The following FARS2 variants were observed in gnomAD, a reference collection of about 807,000 sequenced individuals.
FARS2 encodes the protein phenylalanyl-tRNA synthetase 2, mitochondrial, also known as phenylalanine--tRNA ligase, mitochondrial.
A neutral mutation model predicts 46.4 loss-of-function variants in FARS2; 40 were observed. The observed-to-expected ratio is 0.86, with a 90% CI of 0.67 to 1.12. FARS2 has a LOEUF of 1.12. FARS2 is among the 50% of genes most tolerant of loss of function. The pLI is 0.00. For missense variants in FARS2, 513 were observed against 567.9 expected, an observed-to-expected ratio of 0.90 and a Z score of 0.98; for synonymous variants, 234 against 214.9, an observed-to-expected ratio of 1.09 and a Z score of -0.78.
chr6:5,414,758 T>G (rs1301045996), intron 3 of FARS2, among the ~76,000 whole-genome samples: 1 of 151,936 alleles, frequency 6.6e-6, no homozygotes, highest in African/African-American at 2.4e-5. Context: ...TCGCTTTTTT[T>G]TTTCTTGAGT....
At chr6:5,378,386 T>C (rs1381263800) in intron 2 of FARS2, among the ~76,000 whole-genome samples, 1 of 152,184 alleles carries the variant, frequency 6.6e-6, no homozygotes, top group Admixed American at 6.5e-5. Flanking sequence ...TTGTGGTTCA[T>C]CCTTGTCAGA....
chr6:5,260,601 C>CCGGGCCCGGGG, upstream of FARS2: 1 of 1,202,676 alleles, frequency 8.3e-7, no homozygotes, highest in Non-Finnish European at 1.2e-6. Context: ...CCCCCGGTCC[C>CCGGGCCCGGGG]CGGCCCCTGG....
chr6:5,609,687 G>A lies in FARS2; in HGVS notation c.1066-3482G>A, dbSNP rs1263629813. On this transcript the variant is annotated intron_variant, in intron 5 of 6. Transcript: ENST00000274680. ...TCACAGTTGTGGCCATTCACAGGAT[G>A]GCATTTCTGAATGACAGTCTTATCC... is the stretch of plus-strand genomic sequence containing the variant. The A allele has an allele frequency of 7.5e-6, 10 of 1,332,324 alleles. No individual in the cohort carries two copies. The East Asian group carries it at 2.3e-4, about 31-fold the overall frequency. The allele number at this position is 1,332,324 out of a possible 1,614,324, so 82.5% of individuals were successfully genotyped here.
At position 5,368,749 on chromosome 6, in the gene FARS2, A is replaced by G. The variant is rs1426255919; in HGVS notation, c.179A>G (p.Gln60Arg). ...VVELLGKSYP[Q>R]DDHSNLTRKV... Reference sequence around the variant, plus strand: ...GAGCTGCTGGGCAAATCCTACCCTCAGGACGACCACAGCAACCTCACCCGG... The same window carrying G: ...GAGCTGCTGGGCAAATCCTACCCTCGGGACGACCACAGCAACCTCACCCGG... The change falls in exon 2 of 7, where the codon CAG (glutamine) becomes CGG (arginine). Residue 60 changes from glutamine (Q) to arginine (R), a missense_variant. Gln to Arg is a conservative substitution (Grantham distance 43, BLOSUM62 1). Transcript: ENST00000274680. 6.2e-7 allele frequency: 1 copy of G among 1,614,052 alleles called. No homozygotes were observed. Among genetic ancestry groups the G allele is most frequent in the African/African-American group, 1.3e-5 (1 of 74,928 alleles).
chr6:5,545,272 T>A lies in FARS2; in HGVS notation c.997T>A (p.Trp333Arg), dbSNP rs1257634772. The A allele has an allele frequency of 1.9e-6, 3 of 1,613,984 alleles. No homozygotes were observed. The highest frequency in any genetic ancestry group is 2.5e-6 in the Non-Finnish European group (3 of 1,179,966). The change falls in exon 5 of 7, where the codon TGG becomes AGG. Residue 333 changes from tryptophan to arginine, a missense_variant. By Grantham distance (101) the Trp-to-Arg change is moderately radical. Transcript: ENST00000274680. The stretch of plus-strand genomic sequence containing the variant: ...CGACATCCCTGATATCCGTCTCTTC[T>A]GGTGTGAGGACGAGCGCTTCCTGAA... ...LYDIPDIRLF[W>R]CEDERFLKQF...
intron 1 of FARS2, among the ~76,000 whole-genome samples, chr6:5,320,121 A>G (rs920168227): frequency 1.3e-5 from 2 of 152,226 alleles, no homozygotes; most frequent in African/African-American, 2.4e-5. Context: ...CGTGACTCTA[A>G]AAAGGAGAAG....
chr6:5,444,121 G>GTGTGTGTGTA (rs1471205036), intron 4 of FARS2, among the ~76,000 whole-genome samples: 1 of 151,156 alleles, frequency 6.6e-6, no homozygotes, highest in African/African-American at 2.4e-5. Flanking sequence ...GTGTGTGTGT[G>GTGTGTGTGTA]TGTGTATGTG....
intron 6 of FARS2, among the ~76,000 whole-genome samples, chr6:5,670,080 C>T (rs920761116): frequency 6.6e-6 from 1 of 152,122 alleles, no homozygotes; most frequent in Non-Finnish European, 1.5e-5. Flanking sequence ...TTAAAATTCT[C>T]GTAGAATGAG....
intron 1 of FARS2, among the ~76,000 whole-genome samples, chr6:5,351,563 T>C (rs985087691): frequency 1.3e-5 from 2 of 152,152 alleles, no homozygotes; most frequent in African/African-American, 2.4e-5. Flanking sequence ...CACAACAAAC[T>C]ACATTTCTTA....
intron 6 of FARS2, among the ~76,000 whole-genome samples, chr6:5,663,624 A>G (rs1777955590): frequency 6.6e-6 from 1 of 152,182 alleles, no homozygotes; most frequent in Non-Finnish European, 1.5e-5. Flanking sequence ...GAGAGATGTG[A>G]GAAAACCTAA....
At chr6:5,332,274 G>C (rs574416660) in intron 1 of FARS2, among the ~76,000 whole-genome samples, 4 of 152,340 alleles carry the variant, frequency 2.6e-5, no homozygotes, top group African/African-American at 9.6e-5. Flanking sequence ...CACGCACTTT[G>C]CAGGGGCATA....
At chr6:5,296,431 G>C (rs1253720204) in intron 1 of FARS2, among the ~76,000 whole-genome samples, 2 of 152,146 alleles carry the variant, frequency 1.3e-5, no homozygotes, top group Non-Finnish European at 2.9e-5. Flanking sequence ...GTGCGCCACT[G>C]TGCCTGGCCT....
chr6:5,753,983 T>C (rs1436745561), intron 6 of FARS2, among the ~76,000 whole-genome samples: 2 of 152,242 alleles, frequency 1.3e-5, no homozygotes, highest in African/African-American at 2.4e-5. Flanking sequence ...TACTTTTTTC[T>C]TTTTAAGTAA....
At chr6:5,303,152 T>C (rs991842331) in intron 1 of FARS2, among the ~76,000 whole-genome samples, 3 of 152,194 alleles carry the variant, frequency 2.0e-5, no homozygotes, top group Admixed American at 2.0e-4. Flanking sequence ...CAGTGCCGTC[T>C]GATTTCACAA....
intron 4 of FARS2, among the ~76,000 whole-genome samples, chr6:5,436,796 A>T (rs1215308129): frequency 3.3e-5 from 5 of 152,222 alleles, no homozygotes; most frequent in Non-Finnish European, 7.3e-5. Context: ...GGAGATCAAG[A>T]TATGCATATT....
At chr6:5,619,130 A>G (rs949076295) in intron 6 of FARS2, among the ~76,000 whole-genome samples, 17 of 152,214 alleles carry the variant, frequency 1.1e-4, no homozygotes, top group Admixed American at 7.2e-4. Flanking sequence ...TTAGCTGCCA[A>G]CACTTCATTT....
intron 2 of FARS2, among the ~76,000 whole-genome samples, chr6:5,391,267 C>T (rs1171459383): frequency 6.6e-6 from 1 of 152,154 alleles, no homozygotes; most frequent in Non-Finnish European, 1.5e-5. Flanking sequence ...TCAGGCTCCA[C>T]CATTTACTAT....
At chr6:5,377,556 A>G (rs1242437234) in intron 2 of FARS2, among the ~76,000 whole-genome samples, 1 of 152,074 alleles carries the variant, frequency 6.6e-6, no homozygotes, top group African/African-American at 2.4e-5. Context: ...AAAATTCTAA[A>G]TGCCTCTTGT....
Position 5,686,136 on chromosome 6 carries a change from T to C in FARS2, c.1217+72816T>C, listed in dbSNP as rs532163829. 4.6e-5 allele frequency among the ~76,000 whole-genome samples: 7 copies of C among 152,278 alleles called. No homozygotes were observed. The South Asian group carries it at 1.0e-3, about 23-fold the overall frequency. On this transcript the variant is annotated intron_variant, in intron 6 of 6. Transcript: ENST00000274680. ...TGCCTGGGCCATAGTGAGTGCTCAA[T>C]AGATGTCTGCAGAAGTCATGCAGGT...
Sources: allele counts gnomAD v4.1 joint callset (sites outside exome capture counted in the v4.1 genomes callset), GRCh38; gene constraint gnomAD v4.1.1; transcripts MANE v1.5; gene names NCBI Gene and HGNC (gene_info 2026-07-23, HGNC 2026-07-21).